The following TLK1 variants were observed in gnomAD, a reference collection of about 807,000 sequenced individuals.
The protein encoded by TLK1 is tousled like kinase 1, also known as serine/threonine-protein kinase tousled-like 1.
In TLK1, 24 loss-of-function variants were observed where a neutral mutation model predicts 105.3. That is an observed-to-expected ratio of 0.23 (90% CI 0.17 to 0.32). The LOEUF (loss-of-function observed/expected upper bound fraction) is 0.32, where lower values mean the gene tolerates loss of function less well. Ranked by LOEUF, TLK1 falls within the 10% of genes least tolerant of loss-of-function variation. TLK1 has a pLI of 1.00. For missense variants in TLK1, 558 were observed against 910.5 expected, an observed-to-expected ratio of 0.61 and a Z score of 4.98; for synonymous variants, 321 against 310.4, an observed-to-expected ratio of 1.03 and a Z score of -0.36.
intron 3 of TLK1, among the ~76,000 whole-genome samples, chr2:171,073,896 CTT>C (rs1688379539): frequency 2.9e-5 from 2 of 69,186 alleles, no homozygotes. Context: ...CTTTTTTTTT[CTT>C]TCTTTTTTTT....
At chr2:171,140,770 A>C (rs181616015) in intron 1 of TLK1, among the ~76,000 whole-genome samples, 24 of 152,324 alleles carry the variant, frequency 1.6e-4, no homozygotes, top group Admixed American at 1.6e-3. Flanking sequence ...ATTAACCAGA[A>C]ATCCAAGAAA....
At chr2:171,056,798 T>C (rs1051697489) in intron 5 of TLK1, among the ~76,000 whole-genome samples, 1 of 151,908 alleles carries the variant, frequency 6.6e-6, no homozygotes, top group African/African-American at 2.4e-5. Context: ...TATTACTCTA[T>C]ATTCTGACTA....
intron 11 of TLK1, among the ~76,000 whole-genome samples, chr2:171,038,397 A>G (rs960797795): frequency 6.6e-6 from 1 of 152,080 alleles, no homozygotes; most frequent in African/African-American, 2.4e-5. Context: ...ATTGAAATAG[A>G]TGATTAGTTT....
At chr2:171,080,168 GC>G (rs1688685466) in intron 3 of TLK1, among the ~76,000 whole-genome samples, 1 of 147,800 alleles carries the variant, frequency 6.8e-6, no homozygotes, top group Admixed American at 6.8e-5. Context: ...CTACACTCCA[GC>G]CCGGGCAAAA....
At chr2:171,132,916 A>ACT (rs1558960199) in intron 1 of TLK1, among the ~76,000 whole-genome samples, 1 of 152,164 alleles carries the variant, frequency 6.6e-6, no homozygotes, top group Non-Finnish European at 1.5e-5. Context: ...CACACAGTTA[A>ACT]CTCTCAGCAA....
chr2:171,013,011 G>GA (rs1235051258), intron 13 of TLK1, among the ~76,000 whole-genome samples: 7 of 98,806 alleles, frequency 7.1e-5, no homozygotes, highest in Admixed American at 3.6e-4. Flanking sequence ...TGCTCTATTA[G>GA]ATTTTTTTTT....
intron 11 of TLK1, among the ~76,000 whole-genome samples, chr2:171,037,615 TC>T (rs1686432250): frequency 1.4e-5 from 2 of 146,686 alleles, no homozygotes; most frequent in Non-Finnish European, 3.1e-5. Context: ...ATTTTTCGTA[TC>T]TATTAAGATA....
chr2:171,004,772 TA>T (rs975393492), intron 18 of TLK1, among the ~76,000 whole-genome samples: 156 of 147,394 alleles, frequency 1.1e-3, no homozygotes, highest in African/African-American at 2.2e-3. Flanking sequence ...ATTTTGTTGT[TA>T]AAAAAAAAAA....
chr2:171,038,004 T>C (rs939372481), intron 11 of TLK1, among the ~76,000 whole-genome samples: 18 of 152,242 alleles, frequency 1.2e-4, no homozygotes, highest in African/African-American at 4.3e-4. Flanking sequence ...TCTGAATAAA[T>C]GTTTAAATTA....
intron 1 of TLK1, among the ~76,000 whole-genome samples, chr2:171,119,529 T>G (rs1293847430): frequency 2.6e-5 from 4 of 152,218 alleles, no homozygotes; most frequent in African/African-American, 7.2e-5. Flanking sequence ...AGTTTTGCTT[T>G]ATAAAAAACT....
At position 171,071,007 on chromosome 2, in the gene TLK1, A is replaced by G. The variant is rs529600369; in HGVS notation, c.331-9851T>C. On this transcript the variant is annotated intron_variant, in intron 3 of 20. Transcript: ENST00000431350. Reference sequence around the variant, plus strand: ...ATATCTCATTGTAATTTTGATTTGCATGTCTCTGATAAACAATGATATTGG... The same window carrying G: ...ATATCTCATTGTAATTTTGATTTGCGTGTCTCTGATAAACAATGATATTGG... Among the ~76,000 whole-genome samples, 3 of 152,260 alleles carry G rather than the reference A, an allele frequency of 2.0e-5. No homozygotes were observed. In the South Asian group the frequency reaches 6.2e-4, roughly 32 times the overall value.
rs1336794100 is a variant in TLK1, at chr2:170,992,798, AAAATAC to A, written c.*976_*981del. Reference sequence around the variant, plus strand: ...AGAGTGCCTTCAAGAAGACTTAAAAAAAATACAATATCCAATTAGAAAAGCCATATT... The same window carrying A: ...AGAGTGCCTTCAAGAAGACTTAAAAAAATATCCAATTAGAAAAGCCATATT... On this transcript the variant is annotated 3_prime_UTR_variant, in exon 21 of 21. Transcript: ENST00000431350. The A allele has an allele frequency of 6.6e-6, 1 of 152,648 alleles. No homozygotes were observed. The allele number at this position is 152,648 out of a possible 1,614,324, so 9.5% of individuals were successfully genotyped here.
At chr2:171,218,330 C>T (rs192807744) in intron 1 of TLK1, among the ~76,000 whole-genome samples, 46 of 152,130 alleles carry the variant, frequency 3.0e-4, no homozygotes, top group African/African-American at 8.9e-4. Flanking sequence ...TTCATAGAGA[C>T]GGAAAGTAGA....
rs1450104383 is a variant in TLK1 at position 171,160,688 on chromosome 2, A to G, written c.-260T>C. ...AGCGGGCGCGCCAGAGGAGAGGAGGAGGAAAGGAGCGCGGCGGCGGAGGCG... is the reference window on the plus strand; with the variant it reads ...AGCGGGCGCGCCAGAGGAGAGGAGGGGGAAAGGAGCGCGGCGGCGGAGGCG... On this transcript the variant is annotated 5_prime_UTR_variant, in exon 1 of 21. Transcript: ENST00000431350. This position sits in a 1 kb window ranked among gnomAD's most constrained non-coding sequence, Gnocchi z 4.4. The G allele has an allele frequency of 1.6e-5, 8 of 507,452 alleles. No homozygotes were observed. Among genetic ancestry groups the G allele is most frequent in the Non-Finnish European group, 2.6e-5 (8 of 306,370 alleles). 31.4% of individuals were successfully genotyped at this position (507,452 alleles called of 1,614,324 possible).
At chr2:171,019,901 T>G (rs543527173) in intron 12 of TLK1, among the ~76,000 whole-genome samples, 3 of 151,724 alleles carry the variant, frequency 2.0e-5, no homozygotes, top group African/African-American at 7.3e-5. Flanking sequence ...CTACTAAAAA[T>G]ACAAAGATAA....
At chr2:171,094,064 A>G (rs1448483568) in intron 2 of TLK1, among the ~76,000 whole-genome samples, 6 of 152,376 alleles carry the variant, frequency 3.9e-5, no homozygotes, top group Non-Finnish European at 4.4e-5. Flanking sequence ...GCCCTAGTCA[A>G]ACACAGAATA....
intron 1 of TLK1, among the ~76,000 whole-genome samples, chr2:171,203,837 G>T (rs1159155682): frequency 6.6e-6 from 1 of 152,122 alleles, no homozygotes; most frequent in Admixed American, 6.5e-5. Flanking sequence ...ATCACCTGAG[G>T]TCAGGATTTC....
chr2:171,148,662 C>T (rs1009410279), intron 1 of TLK1, among the ~76,000 whole-genome samples: 2 of 151,942 alleles, frequency 1.3e-5, no homozygotes, highest in African/African-American at 2.4e-5. Context: ...AAGGGCAGAT[C>T]ACCTGAGGTC....
intron 11 of TLK1, among the ~76,000 whole-genome samples, chr2:171,036,405 A>G (rs1431879756): frequency 1.3e-5 from 2 of 152,228 alleles, no homozygotes; most frequent in Non-Finnish European, 2.9e-5. Context: ...CAAAAAAAGC[A>G]TAATTTCTAA....
Sources: allele counts gnomAD v4.1 joint callset (sites outside exome capture counted in the v4.1 genomes callset), GRCh38; gene constraint gnomAD v4.1.1; non-coding constraint Gnocchi (gnomAD v3.1); transcripts MANE v1.5; gene names NCBI Gene and HGNC (gene_info 2026-07-23, HGNC 2026-07-21).